Variants in CDH12 observed in about 807,000 individuals in gnomAD.
CDH12 encodes the protein cadherin 12.
CDH12 carries 41 observed loss-of-function variants against 74.1 expected under a neutral mutation model. That is an observed-to-expected ratio of 0.55 (90% CI 0.43 to 0.72). The LOEUF is 0.72. Ranked by LOEUF, CDH12 falls within the 30% of genes least tolerant of loss-of-function variation. CDH12 has a pLI of 0.00. For synonymous variants in CDH12, 399 were observed against 355.0 expected, an observed-to-expected ratio of 1.12 and a Z score of -1.39; for missense variants, 945 against 977.2, an observed-to-expected ratio of 0.97 and a Z score of 0.44.
At chr5:21,882,691 T>A in intron 6 of CDH12, 1 of 1,575,030 alleles carries the variant, frequency 6.3e-7, no homozygotes, top group African/African-American at 1.5e-5. Flanking sequence ...TTGGTGCAGA[T>A]GCCCGAGCCT....
intron 10 of CDH12, among the ~76,000 whole-genome samples, chr5:21,785,061 TTATTA>T (rs142889694): frequency 8.0e-5 from 12 of 149,488 alleles, no homozygotes; most frequent in African/African-American, 2.9e-4. Flanking sequence ...ATTTTGGTAA[TTATTA>T]TATTTCAAAC....
At chr5:22,392,915 G>A (rs1742303695) in intron 3 of CDH12, among the ~76,000 whole-genome samples, 2 of 152,018 alleles carry the variant, frequency 1.3e-5, no homozygotes, top group Non-Finnish European at 2.9e-5. Context: ...CTAGTCATTA[G>A]GAAGAGATTT....
intron 4 of CDH12, among the ~76,000 whole-genome samples, chr5:22,149,726 C>A (rs1041147076): frequency 9.2e-5 from 14 of 152,054 alleles, no homozygotes; most frequent in African/African-American, 3.4e-4. Flanking sequence ...CTTGCCTTGG[C>A]CTCCCAAAGT....
intron 5 of CDH12, among the ~76,000 whole-genome samples, chr5:22,035,751 C>CA (rs869048384): frequency 6.7e-6 from 1 of 148,562 alleles, no homozygotes; most frequent in East Asian, 2.0e-4. Context: ...CACACACACA[C>CA]TCCCCAGAGG....
chr5:21,802,594 T>TTTTTC (rs1554032191), intron 9 of CDH12, among the ~76,000 whole-genome samples, 174 bp from the exon 10 acceptor site: 2 of 17,760 alleles, frequency 1.1e-4, no homozygotes, highest in Non-Finnish European at 4.2e-4. Context: ...TTTTTTTTTC[T>TTTTTC]TTTTTTTTTT....
rs539806902 is a variant in CDH12, at chr5:22,659,890, T to C, written c.-522-154526A>G. ...ATTTTATATCAACAAAATGGATTTA[T>C]GAAAATCAGGAAATTTAACATATAT... On this transcript the variant is annotated intron_variant, in intron 1 of 14. Transcript: ENST00000382254. Among the ~76,000 whole-genome samples the C allele has an allele frequency of 5.3e-5, 8 of 152,228 alleles. No individual in the cohort carries two copies. The East Asian group carries it at 1.5e-3, about 29-fold the overall frequency.
intron 3 of CDH12, among the ~76,000 whole-genome samples, chr5:22,363,299 G>A (rs994120915): frequency 6.6e-6 from 1 of 152,054 alleles, no homozygotes; most frequent in African/African-American, 2.4e-5. Context: ...AATGCATGTG[G>A]TCTTTCTCAG....
intron 5 of CDH12, among the ~76,000 whole-genome samples, chr5:22,070,799 A>G (rs1741888298): frequency 6.6e-6 from 1 of 152,220 alleles, no homozygotes; most frequent in Non-Finnish European, 1.5e-5. Context: ...GGGCAGCCAT[A>G]AAAAGAAACA....
chr5:22,194,504 G>A (rs1750512476), intron 4 of CDH12, among the ~76,000 whole-genome samples: 1 of 151,516 alleles, frequency 6.6e-6, no homozygotes, highest in South Asian at 2.1e-4. Context: ...CCTAATTTTT[G>A]TATTTTTAGT....
intron 2 of CDH12, among the ~76,000 whole-genome samples, chr5:22,442,389 C>T (rs1744661027): frequency 6.6e-6 from 1 of 152,050 alleles, no homozygotes; most frequent in Admixed American, 6.6e-5. Flanking sequence ...CCTGTAGTCC[C>T]AGCTACTCAA....
At position 21,751,754 on chromosome 5, in the gene CDH12, G is replaced by T. The variant is rs1177133360; in HGVS notation, c.2368C>A (p.Pro790Thr). 1 of 1,613,414 alleles carries T rather than the reference G, an allele frequency of 6.2e-7. No individual in the cohort carries two copies. Among genetic ancestry groups the T allele is most frequent in the African/African-American group, 1.3e-5 (1 of 74,900 alleles). Residue 790 changes from proline to threonine, a missense_variant, in exon 15 of 15, where the codon CCT (proline) becomes ACT (threonine). By Grantham distance (38) the Pro-to-Thr change is conservative. This residue lies in a region of CDH12 where 791 missense variants were observed against 792.8 expected (regional missense o/e 1.00). Coordinates refer to ENST00000382254, the MANE Select transcript of CDH12 (RefSeq NM_004061.5). The stretch of plus-strand genomic sequence containing the variant: ...CGACTCCCTTAAGTGACTTTATCAG[G>T]GTTATAACTCTCTTCTTCGCCAAAC... ...DMFGEEESYN[P>T]DKVT
intron 5 of CDH12, among the ~76,000 whole-genome samples, chr5:21,991,570 G>C (rs74927215): frequency 1.8e-3 from 2 of 1,138 alleles, no homozygotes; most frequent in Admixed American, 7.2e-3. Context: ...TTATATATAT[G>C]TATATAAATC....
chr5:22,304,276 T>G (rs1010213401), intron 3 of CDH12, among the ~76,000 whole-genome samples: 6 of 152,168 alleles, frequency 3.9e-5, no homozygotes, highest in African/African-American at 1.4e-4. Context: ...GTTACACTCA[T>G]TTGACTATTT....
intron 8 of CDH12, among the ~76,000 whole-genome samples, chr5:21,830,531 C>A (rs1396086906): frequency 6.6e-6 from 1 of 151,938 alleles, no homozygotes; most frequent in Non-Finnish European, 1.5e-5. Flanking sequence ...TAATTTGGGG[C>A]CATAGGTATA....
chr5:21,966,422 G>C (rs2150114532), intron 6 of CDH12, among the ~76,000 whole-genome samples: 1 of 152,138 alleles, frequency 6.6e-6, no homozygotes, highest in Non-Finnish European at 1.5e-5. Context: ...AAGTGTAACT[G>C]TTCCAATAAA....
At chr5:22,095,961 C>T (rs1743754779) in intron 4 of CDH12, among the ~76,000 whole-genome samples, 1 of 151,842 alleles carries the variant, frequency 6.6e-6, no homozygotes, top group Non-Finnish European at 1.5e-5. Context: ...ACCCCGACCT[C>T]TTATATCTGC....
chr5:22,822,826 C>A (rs1361796676), intron 1 of CDH12, among the ~76,000 whole-genome samples: 1 of 152,038 alleles, frequency 6.6e-6, no homozygotes, highest in Non-Finnish European at 1.5e-5. Flanking sequence ...TCAGTGTCGC[C>A]ATTTCTCAGG....
chr5:21,863,777 C>A (rs527962897), intron 6 of CDH12, among the ~76,000 whole-genome samples: 9 of 152,142 alleles, frequency 5.9e-5, no homozygotes, highest in African/African-American at 1.9e-4. Flanking sequence ...GAAGACTTAG[C>A]CAATTTATGG....
chr5:22,607,941 G>T (rs1737201541), intron 1 of CDH12, among the ~76,000 whole-genome samples: 1 of 152,210 alleles, frequency 6.6e-6, no homozygotes, highest in Admixed American at 6.5e-5. Context: ...ACACCTGGAA[G>T]TCCAGGCAGA....
Sources: gnomAD v4.1 joint callset for allele counts (sites outside exome capture counted in the v4.1 genomes callset) on GRCh38, gnomAD v4.1.1 for gene constraint, gnomAD v4.1.1 regional missense constraint, MANE v1.5 for transcripts, NCBI Gene and HGNC (gene_info 2026-07-23, HGNC 2026-07-21) for gene names.